AGBL4: variants seen among roughly 807,000 people sequenced by gnomAD.
The protein encoded by AGBL4 is AGBL carboxypeptidase 4, also known as cytosolic carboxypeptidase 6.
AGBL4 carries 58 observed loss-of-function variants against 66.4 expected under a neutral mutation model. That is an observed-to-expected ratio of 0.87 (90% CI 0.71 to 1.09). The LOEUF (loss-of-function observed/expected upper bound fraction) is 1.09. Ranked by LOEUF, AGBL4 falls within the 50% of genes least tolerant of loss-of-function variation. The pLI is 0.00. For missense variants in AGBL4, 579 were observed against 631.0 expected (o/e 0.92, Z 0.88); for synonymous variants, 234 against 222.9 (o/e 1.05, Z -0.44).
chr1:49,633,838 CATATT>C, intron 3 of AGBL4, among the ~76,000 whole-genome samples: 1 of 147,478 alleles, frequency 6.8e-6, no homozygotes. Flanking sequence ...TTACAAAATA[CATATT>C]ATATAATATA....
chr1:49,483,322 T>G (rs890795676), intron 3 of AGBL4, among the ~76,000 whole-genome samples: 2 of 151,986 alleles, frequency 1.3e-5, no homozygotes, highest in African/African-American at 4.8e-5. Flanking sequence ...TGCAAGACAC[T>G]GAACAAGACA....
intron 3 of AGBL4, chr1:49,257,294 C>A (rs1287636913): frequency 6.6e-6 from 1 of 152,284 alleles, no homozygotes; most frequent in Non-Finnish European, 1.5e-5. Flanking sequence ...CAGAGGCAGG[C>A]AGGCCTCCTT....
At chr1:49,483,410 A>C (rs1646997081) in intron 3 of AGBL4, among the ~76,000 whole-genome samples, 1 of 152,066 alleles carries the variant, frequency 6.6e-6, no homozygotes, top group Admixed American at 6.5e-5. Context: ...ACCCAAAGCA[A>C]TCTACAAATT....
At chr1:49,425,108 G>C (rs1246137124) in intron 3 of AGBL4, among the ~76,000 whole-genome samples, 1 of 152,062 alleles carries the variant, frequency 6.6e-6, no homozygotes, top group Non-Finnish European at 1.5e-5. Context: ...AAGAATCGAA[G>C]ATTAGTCATG....
intron 3 of AGBL4, among the ~76,000 whole-genome samples, chr1:49,506,242 G>C (rs1648674149): frequency 6.6e-6 from 1 of 151,826 alleles, no homozygotes; most frequent in Admixed American, 6.6e-5. Flanking sequence ...TAACAAGAAA[G>C]AAAAAAATTT....
intron 2 of AGBL4, among the ~76,000 whole-genome samples, chr1:49,768,248 A>G (rs577000891): frequency 1.3e-5 from 2 of 152,290 alleles, no homozygotes; most frequent in South Asian, 2.1e-4. Context: ...GTTAATATGC[A>G]TGATGAACAT....
At chr1:49,309,220 G>A (rs241497) in intron 3 of AGBL4, among the ~76,000 whole-genome samples, 92,308 of 151,884 alleles carry the variant, frequency 0.61, 28,687 homozygotes, top group Non-Finnish European at 0.67. Flanking sequence ...ATTTAACACT[G>A]TTCTACTGTT....
rs577508164 is a variant in AGBL4, at chr1:48,901,957, T to C, written c.595-34727A>G. 1.8e-4 allele frequency among the ~76,000 whole-genome samples: 28 copies of C among 152,298 alleles called. No homozygotes were observed. In the South Asian group the frequency reaches 5.2e-3, roughly 28 times the overall value. ...CATGGCTGGGGAGGCCTCACAATCA[T>C]GGCGGAAGGTGAAGGGCACGTCTTA... is the stretch of plus-strand genomic sequence containing the variant. On this transcript the variant is annotated intron_variant, in intron 5 of 13. Transcript: ENST00000371839.
intron 11 of AGBL4, among the ~76,000 whole-genome samples, chr1:48,560,832 C>T (rs1479068607): frequency 1.3e-5 from 2 of 152,202 alleles, no homozygotes; most frequent in African/African-American, 4.8e-5. Flanking sequence ...ATTTTGAAGG[C>T]ACTAATTTAG....
intron 3 of AGBL4, among the ~76,000 whole-genome samples, chr1:49,313,515 T>C (rs1006080876): frequency 3.9e-5 from 6 of 152,136 alleles, no homozygotes; most frequent in African/African-American, 1.2e-4. Context: ...TTCCTATTTC[T>C]CCACATGCTC....
At chr1:48,910,122 A>C (rs1652960751) in intron 5 of AGBL4, among the ~76,000 whole-genome samples, 1 of 152,244 alleles carries the variant, frequency 6.6e-6, no homozygotes. Context: ...TCAATGTATA[A>C]TACAATAAAC....
At chr1:49,849,267 G>A (rs1193742506) in intron 2 of AGBL4, among the ~76,000 whole-genome samples, 1 of 151,932 alleles carries the variant, frequency 6.6e-6, no homozygotes, top group Non-Finnish European at 1.5e-5. Flanking sequence ...TGGAAACACG[G>A]GATTGTGAAA....
At chr1:49,500,568 C>T (rs985476398) in intron 3 of AGBL4, among the ~76,000 whole-genome samples, 7 of 151,816 alleles carry the variant, frequency 4.6e-5, no homozygotes, top group East Asian at 3.9e-4. Flanking sequence ...AGGTGAGAGA[C>T]GAGGATCAAC....
At chr1:49,608,564 G>T (rs898447654) in intron 3 of AGBL4, among the ~76,000 whole-genome samples, 4 of 152,058 alleles carry the variant, frequency 2.6e-5, no homozygotes, top group Non-Finnish European at 5.9e-5. Flanking sequence ...CCAGTCATTG[G>T]CACCACCAAA....
chr1:48,813,250 C>A (rs183952974), intron 6 of AGBL4, among the ~76,000 whole-genome samples: 1 of 152,014 alleles, frequency 6.6e-6, no homozygotes, highest in African/African-American at 2.4e-5. Flanking sequence ...TTCTAAAAGA[C>A]GGTAATGTCT....
intron 3 of AGBL4, among the ~76,000 whole-genome samples, chr1:49,354,506 C>T (rs1035616502): frequency 2.6e-5 from 4 of 151,514 alleles, no homozygotes; most frequent in African/African-American, 9.7e-5. Flanking sequence ...GCTCTTGCCT[C>T]ATCTCTTTCT....
chr1:49,372,691 C>T (rs866841341), intron 3 of AGBL4, among the ~76,000 whole-genome samples: 54 of 95,528 alleles, frequency 5.7e-4, no homozygotes, highest in South Asian at 1.9e-3. Flanking sequence ...CTTTCTTTCT[C>T]TTTCTTTCTT....
chr1:49,003,386 G>A (rs1378286201), intron 5 of AGBL4, among the ~76,000 whole-genome samples: 1 of 151,886 alleles, frequency 6.6e-6, no homozygotes, highest in African/African-American at 2.4e-5. Context: ...CAACAAGAGC[G>A]AAACTCTATC....
At chr1:48,933,988 TCGTTGA>T (rs1217329888) in intron 5 of AGBL4, among the ~76,000 whole-genome samples, 1 of 152,238 alleles carries the variant, frequency 6.6e-6, no homozygotes. Context: ...CCAGGTTCCC[TCGTTGA>T]CGTTGCTCAC....
Sources: allele counts gnomAD v4.1 joint callset (sites outside exome capture counted in the v4.1 genomes callset), GRCh38; gene constraint gnomAD v4.1.1; transcripts MANE v1.5; gene names NCBI Gene and HGNC (gene_info 2026-07-23, HGNC 2026-07-21).